The following PCDH7 variants were observed in gnomAD, a reference collection of about 807,000 sequenced individuals.
PCDH7 encodes the protein protocadherin-7.
PCDH7 carries 17 observed loss-of-function variants against 58.9 expected under a neutral mutation model. The ratio of observed to expected loss-of-function variants is 0.29; its 90% CI spans 0.20 to 0.43. The LOEUF (loss-of-function observed/expected upper bound fraction) is 0.43. Ranked by LOEUF, PCDH7 falls within the 20% of genes least tolerant of loss-of-function variation. PCDH7 has a pLI of 1.00. For synonymous variants in PCDH7, 664 were observed against 616.4 expected, an observed-to-expected ratio of 1.08 and a Z score of -1.14; for missense variants, 1,274 against 1,441.0, an observed-to-expected ratio of 0.88 and a Z score of 1.88.
At chr4:31,080,282 T>G (rs1759390359) in intron 3 of PCDH7, among the ~76,000 whole-genome samples, 1 of 38,198 alleles carries the variant, frequency 2.6e-5, no homozygotes, top group Non-Finnish European at 3.9e-5. Flanking sequence ...TTTAGAAAGT[T>G]TTTTTTTTAA....
intron 3 of PCDH7, among the ~76,000 whole-genome samples, chr4:31,013,941 A>G (rs531098904): frequency 6.6e-6 from 1 of 152,332 alleles, no homozygotes; most frequent in South Asian, 2.1e-4. Flanking sequence ...AGCTTAGGCT[A>G]TGATTTGCAA....
chr4:30,931,580 A>AAT (rs969683888), intron 2 of PCDH7, among the ~76,000 whole-genome samples: 4 of 151,682 alleles, frequency 2.6e-5, no homozygotes, highest in East Asian at 3.9e-4. Flanking sequence ...ATCTCAAAAA[A>AAT]ATATATATAT....
At chr4:30,995,149 G>A (rs901843785) in intron 3 of PCDH7, among the ~76,000 whole-genome samples, 4 of 152,090 alleles carry the variant, frequency 2.6e-5, no homozygotes, top group Non-Finnish European at 4.4e-5. Context: ...TTCTTATGTG[G>A]GATTTACATT....
intron 1 of PCDH7, among the ~76,000 whole-genome samples, chr4:30,775,002 A>C (rs1721882480): frequency 6.6e-6 from 1 of 152,132 alleles, no homozygotes; most frequent in African/African-American, 2.4e-5. Context: ...CTTTTGTTTT[A>C]TAGAATTTAA....
chr4:30,816,780 A>C (rs1300518436), intron 1 of PCDH7, among the ~76,000 whole-genome samples: 1 of 152,152 alleles, frequency 6.6e-6, no homozygotes, highest in Non-Finnish European at 1.5e-5. Context: ...GAAGGAAAAT[A>C]ATAATAGTAA....
intron 3 of PCDH7, among the ~76,000 whole-genome samples, chr4:31,086,216 T>A (rs1406007546): frequency 6.6e-6 from 1 of 152,204 alleles, no homozygotes; most frequent in East Asian, 1.9e-4. Flanking sequence ...TCTCCTGTTT[T>A]TTAACATCCA....
chr4:30,933,230 T>C (rs1229747132), intron 2 of PCDH7, among the ~76,000 whole-genome samples: 1 of 152,104 alleles, frequency 6.6e-6, no homozygotes, highest in Non-Finnish European at 1.5e-5. Context: ...TTTCACCGTG[T>C]TAGCCAGGAT....
rs763573878 is a variant in PCDH7, at chr4:30,722,209, A to C, written c.787A>C (p.Lys263Gln). ...CGAGAAGCAGCCGCAGCTGATCGTG[A>C]AGGGGGCGCTGGACCGCGAGCAGCG... Residue 263 changes from lysine to glutamine, a missense_variant, in exon 1 of 2, where the codon AAG (lysine) becomes CAG (glutamine). Physicochemically the swap from Lys to Gln is moderately conservative, Grantham distance 53. This residue lies in a region of PCDH7 where 331 missense variants were observed against 303.2 expected (regional missense o/e 1.09). Coordinates refer to ENST00000361762, the Ensembl canonical transcript of PCDH7. This position sits in a 1 kb window ranked among gnomAD's most constrained non-coding sequence, Gnocchi z 7.6. 9.5e-6 allele frequency: 15 copies of C among 1,585,938 alleles called. No individual in the cohort carries two copies. Among genetic ancestry groups the C allele is most frequent in the Non-Finnish European group, 1.3e-5 (15 of 1,166,766 alleles).
intron 3 of PCDH7, among the ~76,000 whole-genome samples, chr4:31,136,857 T>C (rs767460727): frequency 1.1e-4 from 17 of 152,174 alleles, no homozygotes; most frequent in Non-Finnish European, 2.1e-4. Context: ...CTCCAATCTT[T>C]ATTAACTATG....
chr4:30,968,405 TA>T (rs1560541691), intron 3 of PCDH7, among the ~76,000 whole-genome samples: 1 of 66,934 alleles, frequency 1.5e-5, no homozygotes, highest in Non-Finnish European at 2.6e-5. Flanking sequence ...TATATATATA[TA>T]TATATATATG....
At chr4:31,042,461 A>T (rs980549948) in intron 3 of PCDH7, among the ~76,000 whole-genome samples, 1 of 152,136 alleles carries the variant, frequency 6.6e-6, no homozygotes, top group Non-Finnish European at 1.5e-5. Flanking sequence ...TATGAAAACT[A>T]TCATGCGTGT....
intron 3 of PCDH7, among the ~76,000 whole-genome samples, chr4:31,030,226 A>T (rs1196130295): frequency 6.6e-6 from 1 of 151,998 alleles, no homozygotes; most frequent in African/African-American, 2.4e-5. Context: ...CATTTGTCCT[A>T]TAAGACCTAC....
intron 2 of PCDH7, among the ~76,000 whole-genome samples, chr4:30,933,155 T>C (rs2109428290): frequency 6.6e-6 from 1 of 152,134 alleles, no homozygotes; most frequent in East Asian, 1.9e-4. Context: ...GGCTCCCAAG[T>C]AGCTGGGACT....
In PCDH7 at chr4:30,723,712, G is replaced by A; in HGVS notation, c.2290G>A (p.Ala764Thr). 6.2e-7 allele frequency: 1 copy of A among 1,614,140 alleles called. No individual in the cohort carries two copies. Among genetic ancestry groups the A allele is most frequent in the East Asian group, 2.2e-5 (1 of 44,862 alleles). ...TTCGAGTAATGTCAGGACAGTAGTA[G>A]CTACAGTGTTGGCAACAGACAGTGA... Residue 764 changes from alanine to threonine, a missense_variant, in exon 1 of 2, where the codon GCT becomes ACT. Around this residue, in one of 3 missense-constraint regions of PCDH7, gnomAD observed 731 missense variants for 881.9 expected, o/e 0.83. Coordinates refer to ENST00000361762, the Ensembl canonical transcript of PCDH7. The surrounding 1 kb of genome is among the most constrained non-coding windows in gnomAD (Gnocchi z 4.6).
intron 1 of PCDH7, among the ~76,000 whole-genome samples, chr4:30,896,752 G>A (rs1560479123): frequency 2.0e-5 from 3 of 151,358 alleles, no homozygotes; most frequent in Admixed American, 1.3e-4. Flanking sequence ...TACTTCTTTC[G>A]TATATTACTT....
chr4:30,897,320 C>T (rs560121634), intron 1 of PCDH7, among the ~76,000 whole-genome samples: 99 of 152,238 alleles, frequency 6.5e-4, no homozygotes, highest in Middle Eastern at 6.8e-3. Context: ...TCATTTGTTA[C>T]GTCACTCATT....
chr4:30,724,862 TTGA>T, intron 1 of PCDH7: 1 of 1,267,918 alleles, frequency 7.9e-7, no homozygotes, highest in African/African-American at 1.5e-5. Context: ...CTCTTTGCAC[TTGA>T]CATCCCTAAT....
At chr4:30,938,622 C>T (rs34905305) in intron 2 of PCDH7, among the ~76,000 whole-genome samples, 3,877 of 152,134 alleles carry the variant, frequency 0.025, 76 homozygotes, top group East Asian at 0.042. Context: ...TGGACATGTT[C>T]TATTAAATTA....
At chr4:31,128,591 G>A (rs1245065527) in intron 3 of PCDH7, among the ~76,000 whole-genome samples, 2 of 152,082 alleles carry the variant, frequency 1.3e-5, no homozygotes, top group Non-Finnish European at 2.9e-5. Flanking sequence ...CCAACTAGAA[G>A]TCGTGACAAC....
Sources: gnomAD v4.1 joint callset for allele counts (sites outside exome capture counted in the v4.1 genomes callset) on GRCh38, gnomAD v4.1.1 for gene constraint, gnomAD v4.1.1 regional missense constraint, Gnocchi (gnomAD v3.1) non-coding constraint, MANE v1.5 for transcripts, NCBI Gene and HGNC (gene_info 2026-07-23, HGNC 2026-07-21) for gene names.